ERLIN2: variants seen among roughly 807,000 people sequenced by gnomAD.
ERLIN2 encodes the protein erlin-2.
In ERLIN2, 22 loss-of-function variants were observed where a neutral mutation model predicts 41.5. That is an observed-to-expected ratio of 0.53 (90% CI 0.38 to 0.76). ERLIN2 has a LOEUF of 0.76. Ranked by LOEUF, ERLIN2 falls within the 30% of genes least tolerant of loss-of-function variation. ERLIN2 has a pLI of 0.00. For synonymous variants in ERLIN2, 149 were observed against 150.9 expected (o/e 0.99, Z 0.09); for missense variants, 247 against 414.3 (o/e 0.60, Z 3.51).
At chr8:37,744,951 C>T (rs1051733421) in intron 6 of ERLIN2, 4 of 625,190 alleles carry the variant, frequency 6.4e-6, no homozygotes, top group African/African-American at 5.5e-5. Context: ...CTTCTGGCCT[C>T]AATCAGAGGC....
At position 37,755,562 on chromosome 8, in the gene ERLIN2, ACCCCCCAC is replaced by A. The variant is rs1803336080; in HGVS notation, c.*1454_*1461del. The A allele has an allele frequency of 3.4e-5, 2 of 58,288 alleles. No individual in the cohort carries two copies. Among genetic ancestry groups the A allele is most frequent in the Non-Finnish European group, 6.4e-5 (2 of 31,230 alleles). 3.6% of individuals were successfully genotyped at this position (58,288 alleles called of 1,614,324 possible). A position where few individuals can be genotyped will look rare whatever the true frequency, so the allele number is the denominator to read the frequency against. ...TGTTATGAGCTGACCCCCACCCCCC[ACCCCCCAC>A]CCCCCCCCCCCGCCAACTCCTATAC... On this transcript the variant is annotated 3_prime_UTR_variant, in exon 12 of 12. Coordinates refer to ENST00000519638, the MANE Select transcript of ERLIN2 (RefSeq NM_007175.8).
At chr8:37,747,474 C>T (rs748760242) in intron 6 of ERLIN2, 5 of 1,611,850 alleles carry the variant, frequency 3.1e-6, no homozygotes, top group South Asian at 2.2e-5. Context: ...TCTGTGCATA[C>T]GAGTCAGCAA....
chr8:37,747,260 CTA>C (rs1446729381), intron 6 of ERLIN2: 1 of 782,528 alleles, frequency 1.3e-6, no homozygotes, highest in African/African-American at 1.7e-5. Flanking sequence ...AGGAACCAGT[CTA>C]TGTAATCAAG....
At chr8:37,744,865 T>G in intron 6 of ERLIN2, 169 bp downstream of exon 6, 1 of 757,450 alleles carries the variant, frequency 1.3e-6, no homozygotes. Flanking sequence ...TCATGGAGAA[T>G]GCTGATAGCT....
intron 6 of ERLIN2, chr8:37,745,581 A>G: frequency 6.2e-7 from 1 of 1,614,016 alleles, no homozygotes; most frequent in Non-Finnish European, 8.5e-7. Context: ...CTGGAAAATG[A>G]TTTTTCCCAG....
At chr8:37,750,573 C>A (rs1803195466) in intron 9 of ERLIN2, 87 bp downstream of exon 9, 2 of 1,100,390 alleles carry the variant, frequency 1.8e-6, no homozygotes, top group African/African-American at 1.5e-5. Context: ...CCTGGTGAGA[C>A]CCCATGGTCC....
chr8:37,753,893 A>T, intron 11 of ERLIN2, 22 bp from the exon 12 acceptor site: 1 of 1,564,018 alleles, frequency 6.4e-7, no homozygotes, highest in African/African-American at 1.4e-5. Context: ...TAAGTCTTCC[A>T]TACTTTTTTT....
chr8:37,740,479 C>T (rs981203917), intron 3 of ERLIN2, 33 bp downstream of exon 3: 2 of 1,543,760 alleles, frequency 1.3e-6, no homozygotes, highest in Non-Finnish European at 1.8e-6. Flanking sequence ...GGCTGGACGA[C>T]TGCAAACTTG....
intron 1 of ERLIN2, 106 bp from the exon 2 acceptor site, chr8:37,737,802 G>A: frequency 7.4e-7 from 1 of 1,342,796 alleles, no homozygotes; most frequent in African/African-American, 1.4e-5. Flanking sequence ...CACCAGGCTG[G>A]ATATGAGTCA....
chr8:37,738,818 G>A (rs1313560750), intron 2 of ERLIN2, among the ~76,000 whole-genome samples: 1 of 152,176 alleles, frequency 6.6e-6, no homozygotes, highest in Admixed American at 6.5e-5. Flanking sequence ...CCAGAAGTTT[G>A]AGGCTGCAGT....
rs183530193 is a variant in ERLIN2, at chr8:37,739,059, C to T, written c.107+1030C>T. Among the ~76,000 whole-genome samples, 27 of 152,136 alleles carry T rather than the reference C, an allele frequency of 1.8e-4. No individual in the cohort carries two copies. In the East Asian group the frequency reaches 4.6e-3, roughly 26 times the overall value. ...TTGCCTAATATAAAGCAAAGAAGCA[C>T]TTATAAGTCTTGGGTTGCTTTCTTT... On this transcript the variant is annotated intron_variant, in intron 2 of 11. Transcript: ENST00000519638.
intron 1 of ERLIN2, 33 bp from the exon 2 acceptor site, chr8:37,737,875 G>T: frequency 6.2e-7 from 1 of 1,613,010 alleles, no homozygotes; most frequent in Non-Finnish European, 8.5e-7. Context: ...CTGCACGTTG[G>T]ACCACACACA....
chr8:37,744,372 A>T lies in ERLIN2; in HGVS notation c.254A>T (p.Tyr85Phe), dbSNP rs376297176. The change falls in exon 5 of 12, where the codon TAC (tyrosine) becomes TTC (phenylalanine). Residue 85 changes from tyrosine to phenylalanine, a missense_variant. By Grantham distance (22) the Tyr-to-Phe change is conservative. Coordinates refer to ENST00000519638, the MANE Select transcript of ERLIN2 (RefSeq NM_007175.8). ...TCCAATAGTGGTGGTGTGATGATCT[A>T]CTTTGACAGAATTGAAGTGGTGAAC... ...PCGTSGGVMI[Y>F]FDRIEVVNFL... The T allele has an allele frequency of 5.6e-6, 9 of 1,613,870 alleles. No homozygotes were observed. In the African/African-American group the frequency reaches 1.1e-4, roughly 19 times the overall value.
At chr8:37,745,168 T>G in intron 6 of ERLIN2, 1 of 479,196 alleles carries the variant, frequency 2.1e-6, no homozygotes, top group South Asian at 3.3e-5. Context: ...CTCTTCAGCA[T>G]TCTTCTCACC....
intron 10 of ERLIN2, 125 bp from the exon 11 acceptor site, chr8:37,753,325 G>A: frequency 1.3e-6 from 1 of 754,512 alleles, no homozygotes; most frequent in Non-Finnish European, 2.4e-6. Context: ...TCTGCCCCAA[G>A]TCACAGAGGC....
Position 37,738,356 on chromosome 8 carries a change from TCCTCTGGCAGTCTTAGCTCTACATC to T in ERLIN2, c.107+376_107+400del, listed in dbSNP as rs1423990149. On this transcript the variant is annotated intron_variant, in intron 2 of 11. Transcript: ENST00000519638. Reference sequence around the variant, plus strand: ...CCTAAAATACTGTTTTCTCCTACATTCCTCTGGCAGTCTTAGCTCTACATCCCTCTGGCAGTCTTAGCTCTACATC... The same window carrying T: ...CCTAAAATACTGTTTTCTCCTACATTCCTCTGGCAGTCTTAGCTCTACATC... Among the ~76,000 whole-genome samples the T allele has an allele frequency of 7.7e-3, 1,176 of 152,066 alleles. 13 individuals are homozygous for T. Among genetic ancestry groups the T allele is most frequent in the African/African-American group, 0.027 (1,106 of 41,412 alleles).
chr8:37,754,553 C>T lies in ERLIN2; in HGVS notation c.*438C>T, dbSNP rs919798806. On this transcript the variant is annotated 3_prime_UTR_variant, in exon 12 of 12. Transcript: ENST00000519638. ...CTGTGGGTGAGGCTCAGCAACTGAG[C>T]AAATATGTGCCTGTGAGTTTGCCAG... 1 of 248,896 alleles carries T rather than the reference C, an allele frequency of 4.0e-6. No homozygotes were observed. The highest frequency in any genetic ancestry group is 5.1e-5 in the Admixed American group (1 of 19,786). The allele number at this position is 248,896 out of a possible 1,614,324, so 15.4% of individuals were successfully genotyped here.
intron 6 of ERLIN2, chr8:37,748,014 G>A: frequency 6.2e-7 from 1 of 1,610,194 alleles, no homozygotes; most frequent in Non-Finnish European, 8.5e-7. Flanking sequence ...TGGTTTCCAG[G>A]AGCAACCTGA....
intron 6 of ERLIN2, chr8:37,745,855 C>A: frequency 7.5e-7 from 1 of 1,329,590 alleles, no homozygotes. Context: ...TCTTTTTAAC[C>A]TCAAACTAAT....
Sources: gnomAD v4.1 joint callset for allele counts (sites outside exome capture counted in the v4.1 genomes callset) on GRCh38, gnomAD v4.1.1 for gene constraint, MANE v1.5 for transcripts, NCBI Gene and HGNC (gene_info 2026-07-23, HGNC 2026-07-21) for gene names.